The following SAFB variants were observed in gnomAD, a reference collection of about 807,000 sequenced individuals.
SAFB encodes scaffold attachment factor B.
Under a neutral mutation model 101.6 loss-of-function variants are expected in SAFB, and 15 were observed. The observed-to-expected ratio is 0.15, with a 90% CI of 0.10 to 0.23. The LOEUF (loss-of-function observed/expected upper bound fraction) is 0.23. Among genes scored for constraint, SAFB ranks in the 10% least tolerant of loss-of-function variants. The pLI, the probability that SAFB is intolerant of heterozygous loss-of-function variation, is 1.00. For synonymous variants in SAFB, 449 were observed against 407.5 expected, an observed-to-expected ratio of 1.10 and a Z score of -1.23; for missense variants, 930 against 1,104.1, an observed-to-expected ratio of 0.84 and a Z score of 2.23.
chr19:5,624,885 CTGGTCAGGTG>C (rs2053321260), intron 1 of SAFB, among the ~76,000 whole-genome samples: 2 of 152,108 alleles, frequency 1.3e-5, no homozygotes, highest in African/African-American at 4.8e-5. Context: ...AGATTGGCGG[CTGGTCAGGTG>C]TGGTGCCCCG....
At chr19:5,637,411 T>C (rs988962913) in intron 2 of SAFB, among the ~76,000 whole-genome samples, 2 of 151,362 alleles carry the variant, frequency 1.3e-5, no homozygotes, top group African/African-American at 4.9e-5. Context: ...CCCAGCACTT[T>C]GAGAGGCCCA....
chr19:5,661,454 A>AATT, intron 14 of SAFB, 64 bp from the exon 15 acceptor site: 1 of 1,588,544 alleles, frequency 6.3e-7, no homozygotes, highest in South Asian at 1.1e-5. Context: ...GTCTTACTTA[A>AATT]AGTCAGCCCT....
At chr19:5,642,338 T>C (rs1197837313) in intron 4 of SAFB, among the ~76,000 whole-genome samples, 1 of 152,162 alleles carries the variant, frequency 6.6e-6, no homozygotes, top group Non-Finnish European at 1.5e-5. Context: ...TGTAATCCGG[T>C]AACTCAGAAA....
intron 15 of SAFB, among the ~76,000 whole-genome samples, chr19:5,662,013 T>G (rs1009833898): frequency 5.9e-5 from 9 of 151,842 alleles, no homozygotes; most frequent in Admixed American, 1.3e-4. Flanking sequence ...GCCTCCCGAG[T>G]AGCTGGGACT....
Position 5,641,442 on chromosome 19 carries a change from G to A in SAFB, c.275-152G>A, listed in dbSNP as rs573813208. 39 of 655,826 alleles carry A rather than the reference G, an allele frequency of 5.9e-5. No homozygotes were observed. In the East Asian group the frequency reaches 8.0e-4, roughly 13 times the overall value. The allele number at this position is 655,826 out of a possible 1,614,324, so 40.6% of individuals were successfully genotyped here. The stretch of plus-strand genomic sequence containing the variant: ...GGGGTGGGGCAGGGCTGTCTTGTGC[G>A]GAATGGCCTCATTCCTGGATTAGGA... On this transcript the variant is annotated intron_variant, in intron 2 of 20. Transcript: ENST00000588852.
intron 6 of SAFB, 137 bp from the exon 7 acceptor site, chr19:5,648,852 C>T: frequency 1.9e-6 from 1 of 524,508 alleles, no homozygotes; most frequent in South Asian, 2.0e-5. Context: ...CTTTGTGTAC[C>T]CGCGGGTTTT....
chr19:5,640,805 G>A (rs1233713153), intron 2 of SAFB, among the ~76,000 whole-genome samples: 2 of 152,092 alleles, frequency 1.3e-5, no homozygotes, highest in Non-Finnish European at 2.9e-5. Flanking sequence ...TGGCCAGGCT[G>A]GTGTCAAACT....
chr19:5,626,271 C>T, intron 1 of SAFB, 134 bp from the exon 2 acceptor site: 1 of 564,028 alleles, frequency 1.8e-6, no homozygotes, highest in East Asian at 3.0e-5. Context: ...GTGGATGGGC[C>T]ACAGGTCCTG....
Position 5,653,250 on chromosome 19 carries a change from A to G in SAFB, c.1429A>G (p.Ile477Val). The G allele has an allele frequency of 1.2e-6, 2 of 1,614,114 alleles. No homozygotes were observed. The highest frequency in any genetic ancestry group is 1.7e-6 in the Non-Finnish European group (2 of 1,180,014). Residue 477 changes from isoleucine (I) to valine (V), a missense_variant, in exon 10 of 21, where the codon ATC becomes GTC. Around this residue, in one of 7 missense-constraint regions of SAFB, gnomAD observed 92 missense variants for 83.8 expected, o/e 1.10. Coordinates refer to ENST00000588852, the MANE Select transcript of SAFB (RefSeq NM_001201338.2). Reference protein sequence around the residue: ...LHKTELHGKMISVEKAKNEPV... With the variant: ...LHKTELHGKMVSVEKAKNEPV... ...CAAGACGGAGCTCCACGGAAAGATG[A>G]TCTCCGTGGAGAAAGTGAGTGGCCG...
Position 5,623,355 on chromosome 19 carries a change from G to T in SAFB, c.150G>T (p.Ser50=), listed in dbSNP as rs1479407567. ...AGCTGAGGAAACGGAATGTGGACTC[G>T]AGCGGCAACAAGAGCGTTTTGATGG... ...RAELRKRNVD[S]SGNKSVLMER... Residue 50 remains serine, a synonymous_variant, in exon 1 of 21, where the codon TCG becomes TCT. Coordinates refer to ENST00000588852, the MANE Select transcript of SAFB (RefSeq NM_001201338.2). 3 of 1,613,910 alleles carry T rather than the reference G, an allele frequency of 1.9e-6. No homozygotes were observed. Among genetic ancestry groups the T allele is most frequent in the Non-Finnish European group, 8.5e-7 (1 of 1,179,908 alleles).
intron 15 of SAFB, 133 bp from the exon 16 acceptor site, chr19:5,663,889 C>T: frequency 1.1e-6 from 1 of 947,436 alleles, no homozygotes; most frequent in Non-Finnish European, 1.6e-6. Flanking sequence ...TCAGACCTTG[C>T]CTCCTATAGG....
intron 13 of SAFB, among the ~76,000 whole-genome samples, chr19:5,655,182 A>G (rs58168353): frequency 0.056 from 8,501 of 152,086 alleles, 484 homozygotes; most frequent in African/African-American, 0.14. Flanking sequence ...GTGTGAGCTG[A>G]GCATGGTGGC....
Position 5,640,468 on chromosome 19 carries a change from C to T in SAFB, c.275-1126C>T, listed in dbSNP as rs542667288. Among the ~76,000 whole-genome samples, 460 of 146,376 alleles carry T rather than the reference C, an allele frequency of 3.1e-3. 2 individuals carry two copies. The highest frequency in any genetic ancestry group is 0.029 in the Middle Eastern group (8 of 274). On this transcript the variant is annotated intron_variant, in intron 2 of 20. Coordinates refer to ENST00000588852, the MANE Select transcript of SAFB (RefSeq NM_001201338.2). ...GCAACCTCTGCCTCCCGGATTCAAG[C>T]GATTCTCCTGCCTCAGCCTCCCGAG...
At chr19:5,627,644 T>C (rs1161932282) in intron 2 of SAFB, among the ~76,000 whole-genome samples, 1 of 152,146 alleles carries the variant, frequency 6.6e-6, no homozygotes, top group African/African-American at 2.4e-5. Context: ...CCCCACACCC[T>C]GTGCTTTAGT....
chr19:5,645,174 G>T (rs975291280), intron 4 of SAFB, among the ~76,000 whole-genome samples, 163 bp from the exon 5 acceptor site: 2 of 151,748 alleles, frequency 1.3e-5, no homozygotes, highest in Non-Finnish European at 2.9e-5. Flanking sequence ...TTTTTTTTCA[G>T]TTTAGCTGCA....
chr19:5,645,693 C>CA (rs2053098702), intron 5 of SAFB, among the ~76,000 whole-genome samples: 1 of 152,156 alleles, frequency 6.6e-6, no homozygotes, highest in South Asian at 2.1e-4. Flanking sequence ...CAGGGGAAGG[C>CA]AGCCTGTCTC....
In SAFB at chr19:5,641,673, G is replaced by T; in HGVS notation, c.339+15G>T. The T allele has an allele frequency of 6.2e-7, 1 of 1,613,944 alleles. No individual in the cohort carries two copies. Among genetic ancestry groups the T allele is most frequent in the South Asian group, 1.1e-5 (1 of 91,070 alleles). On this transcript the variant is annotated intron_variant, in intron 3 of 20. Transcript: ENST00000588852. ...GGGATGGACAGGTATGTGCAGCCTT[G>T]CGAGTGAGTAGCGTGGTGGATGGAC...
intron 17 of SAFB, 42 bp downstream of exon 17, chr19:5,664,481 G>T (rs759441999): frequency 1.2e-5 from 18 of 1,513,566 alleles, no homozygotes; most frequent in Non-Finnish European, 1.7e-5. Context: ...ATTTCCCATA[G>T]AATGGGTTCT....
rs2053900002 is a variant in SAFB at position 5,649,947 on chromosome 19, T to C, written c.1170T>C (p.Asp390=). Reference sequence around the variant, plus strand: ...CTAGTTCTCCCGAAGATGACTCGGATACAAAAAGGCTTTCCAAAGAGGAAA... The same window carrying C: ...CTAGTTCTCCCGAAGATGACTCGGACACAAAAAGGCTTTCCAAAGAGGAAA... ...QKMSSPEDDS[D]TKRLSKEEKG... Residue 390 remains aspartate (D), a synonymous_variant, in exon 8 of 21, where the codon GAT becomes GAC. Coordinates refer to ENST00000588852, the MANE Select transcript of SAFB (RefSeq NM_001201338.2). The C allele has an allele frequency of 6.2e-7, 1 of 1,613,904 alleles. No homozygotes were observed. Among genetic ancestry groups the C allele is most frequent in the Non-Finnish European group, 8.5e-7 (1 of 1,179,910 alleles).
Sources: gnomAD v4.1 joint callset for allele counts (sites outside exome capture counted in the v4.1 genomes callset) on GRCh38, gnomAD v4.1.1 for gene constraint, gnomAD v4.1.1 regional missense constraint, MANE v1.5 for transcripts, NCBI Gene and HGNC (gene_info 2026-07-23, HGNC 2026-07-21) for gene names.